Variants in TRIM24 observed in about 807,000 individuals in gnomAD.
TRIM24 encodes the protein tripartite motif containing 24.
In TRIM24, 29 loss-of-function variants were observed where a neutral mutation model predicts 123.9. The ratio of observed to expected loss-of-function variants is 0.23; its 90% CI spans 0.17 to 0.32. The LOEUF (loss-of-function observed/expected upper bound fraction) is 0.32, where lower values mean the gene tolerates loss of function less well. TRIM24 is among the 10% of genes least tolerant of loss of function. The pLI, the probability that TRIM24 is intolerant of heterozygous loss-of-function variation, is 1.00. For synonymous variants in TRIM24, 456 were observed against 461.1 expected, an observed-to-expected ratio of 0.99 and a Z score of 0.14; for missense variants, 932 against 1,295.3, an observed-to-expected ratio of 0.72 and a Z score of 4.31.
At chr7:138,583,513 G>A (rs114389693) in intron 17 of TRIM24, among the ~76,000 whole-genome samples, 1,910 of 152,238 alleles carry the variant, frequency 0.013, 32 homozygotes, top group African/African-American at 0.043. Context: ...CCAGCTACGC[G>A]AGAGGCTGAG....
intron 1 of TRIM24, among the ~76,000 whole-genome samples, chr7:138,501,690 A>T (rs931036190): frequency 6.6e-6 from 1 of 152,026 alleles, no homozygotes; most frequent in South Asian, 2.1e-4. Context: ...GATCAAGACC[A>T]TCCTGGCTAA....
chr7:138,528,777 A>AC (rs1172667698), intron 5 of TRIM24, among the ~76,000 whole-genome samples: 50 of 16,150 alleles, frequency 3.1e-3, no homozygotes, highest in Admixed American at 6.3e-3. Context: ...TTTTTGGTCC[A>AC]CCCCCACCCC....
Position 138,580,694 on chromosome 7 carries a change from G to GGTAA in TRIM24, c.2718+3_2718+6dup, listed in dbSNP as rs1374371868. On this transcript the variant is annotated frameshift_variant and splice_region_variant. Coordinates refer to ENST00000343526, the MANE Select transcript of TRIM24 (RefSeq NM_015905.3). LOFTEE classifies it high-confidence loss of function. ...TTAAGTTAACACCTATAGATAAAAG[G>GGTAA]GTAAGTCTTTGGTAAGATGCATTAT... 2.0e-5 allele frequency: 33 copies of GGTAA among 1,612,054 alleles called. No individual in the cohort carries two copies. The highest frequency in any genetic ancestry group is 2.6e-5 in the Non-Finnish European group (31 of 1,179,204).
At chr7:138,488,963 T>A (rs955818261) in intron 1 of TRIM24, among the ~76,000 whole-genome samples, 1 of 152,134 alleles carries the variant, frequency 6.6e-6, no homozygotes, top group African/African-American at 2.4e-5. Flanking sequence ...AAGTCTCCCA[T>A]TATTATTGTG....
intron 2 of TRIM24, among the ~76,000 whole-genome samples, chr7:138,508,697 G>GCA (rs1350053948): frequency 1.4e-4 from 15 of 110,246 alleles, no homozygotes; most frequent in African/African-American, 3.3e-4. Flanking sequence ...GTGTGTGCGC[G>GCA]CGCGTGTGTG....
At chr7:138,584,059 C>A in intron 18 of TRIM24, 60 bp downstream of exon 18, 1 of 1,535,768 alleles carries the variant, frequency 6.5e-7, no homozygotes. Context: ...CATTTTATTA[C>A]TAAACACCTT....
chr7:138,537,379 G>GTTTTTTTTGTTGTTTTTTTTTTT (rs1796906425), intron 6 of TRIM24, among the ~76,000 whole-genome samples: 1 of 56,642 alleles, frequency 1.8e-5, no homozygotes, highest in African/African-American at 7.1e-5. Flanking sequence ...ACCCCTGTTT[G>GTTTTTTTTGTTGTTTTTTTTTTT]TTTTTTTTTT....
At chr7:138,570,759 G>A in intron 10 of TRIM24, 71 bp from the exon 11 acceptor site, 1 of 1,496,900 alleles carries the variant, frequency 6.7e-7, no homozygotes, top group Non-Finnish European at 9.1e-7. Context: ...CATTTTGTGT[G>A]AGTGATTACA....
chr7:138,513,634 C>T (rs955409400), intron 2 of TRIM24, among the ~76,000 whole-genome samples: 2 of 151,996 alleles, frequency 1.3e-5, no homozygotes, highest in African/African-American at 4.8e-5. Context: ...GAGAACAGCA[C>T]CAAGGGGGAA....
At chr7:138,467,573 C>A (rs1035887886) in intron 1 of TRIM24, among the ~76,000 whole-genome samples, 3 of 152,086 alleles carry the variant, frequency 2.0e-5, no homozygotes, top group Non-Finnish European at 4.4e-5. Context: ...GATCTCTTGA[C>A]CTGGTGATCT....
In TRIM24 at chr7:138,588,715, T is replaced by TG. The variant is rs1375980760; in HGVS notation, c.*3768dup. ...GACTCTGTCACAAAAAGAAAAATTA[T>TG]GGGGAATGGCCGGGCGCGGTGGCTC... On this transcript the variant is annotated 3_prime_UTR_variant, in exon 19 of 19. Coordinates refer to ENST00000343526, the MANE Select transcript of TRIM24 (RefSeq NM_015905.3). 2 of 140,954 alleles carry TG rather than the reference T, an allele frequency of 1.4e-5. No individual in the cohort carries two copies. Among genetic ancestry groups the TG allele is most frequent in the Non-Finnish European group, 3.1e-5 (2 of 65,216 alleles). 8.7% of individuals were successfully genotyped at this position (140,954 alleles called of 1,614,324 possible).
intron 4 of TRIM24, among the ~76,000 whole-genome samples, chr7:138,524,488 C>T (rs1796570039): frequency 6.6e-6 from 1 of 152,076 alleles, no homozygotes; most frequent in African/African-American, 2.4e-5. Flanking sequence ...AACTGGGTAT[C>T]CCCTTTTTCT....
intron 1 of TRIM24, among the ~76,000 whole-genome samples, chr7:138,462,631 C>T (rs542760231): frequency 2.0e-5 from 3 of 152,102 alleles, no homozygotes; most frequent in South Asian, 2.1e-4. Context: ...TGAGCCACCG[C>T]GCCCGGCCAA....
rs1371337257 is a variant in TRIM24 at position 138,460,832 on chromosome 7, T to C, written c.284T>C (p.Met95Thr). 3 of 1,575,768 alleles carry C rather than the reference T, an allele frequency of 1.9e-6. No individual in the cohort carries two copies. The highest frequency in any genetic ancestry group is 1.4e-5 in the African/African-American group (1 of 71,286). ...PQRYLMLPAP[M>T]LGSAETPPPV... ...CGCTACCTCATGCTGCCCGCGCCCA[T>C]GCTGGGCTCGGCCGAGACCCCGCCA... Residue 95 changes from methionine (M) to threonine (T), a missense_variant, in exon 1 of 19, where the codon ATG (methionine) becomes ACG (threonine). Met to Thr is a moderately conservative substitution (Grantham distance 81, BLOSUM62 -1). This residue lies in a region of TRIM24 where 164 missense variants were observed against 181.9 expected (regional missense o/e 0.90). Transcript: ENST00000343526.
chr7:138,539,512 T>C (rs1317056543), intron 7 of TRIM24, among the ~76,000 whole-genome samples: 1 of 152,146 alleles, frequency 6.6e-6, no homozygotes, highest in Non-Finnish European at 1.5e-5. Flanking sequence ...CTGTGGGCTG[T>C]GCTTTGAGTA....
intron 8 of TRIM24, among the ~76,000 whole-genome samples, chr7:138,553,607 A>G (rs1449303335): frequency 1.3e-5 from 2 of 152,216 alleles, no homozygotes; most frequent in Non-Finnish European, 2.9e-5. Flanking sequence ...TTCTGTATCA[A>G]AAAGTTAACA....
At chr7:138,562,267 A>C (rs888642733) in intron 9 of TRIM24, among the ~76,000 whole-genome samples, 1 of 152,212 alleles carries the variant, frequency 6.6e-6, no homozygotes. Flanking sequence ...AGTCTTGTCC[A>C]GGTGAACTGC....
chr7:138,499,354 C>A (rs1016853623), intron 1 of TRIM24, among the ~76,000 whole-genome samples: 1 of 152,116 alleles, frequency 6.6e-6, no homozygotes, highest in African/African-American at 2.4e-5. Flanking sequence ...TACTACTTGC[C>A]TGAGTCCAGT....
chr7:138,521,287 T>C (rs1190687961), intron 4 of TRIM24, among the ~76,000 whole-genome samples: 1 of 152,152 alleles, frequency 6.6e-6, no homozygotes, highest in Non-Finnish European at 1.5e-5. Context: ...AATATCTTGT[T>C]GATGTGGTGT....
Sources: allele counts gnomAD v4.1 joint callset (sites outside exome capture counted in the v4.1 genomes callset), GRCh38; gene constraint gnomAD v4.1.1; regional missense constraint gnomAD v4.1.1; transcripts MANE v1.5; gene names NCBI Gene and HGNC (gene_info 2026-07-23, HGNC 2026-07-21).